VAV3: variants seen among roughly 807,000 people sequenced by gnomAD.
VAV3 encodes the protein guanine nucleotide exchange factor VAV3.
A neutral mutation model predicts 131.2 loss-of-function variants in VAV3; 94 were observed. The ratio of observed to expected loss-of-function variants is 0.72; its 90% CI spans 0.61 to 0.85. VAV3 has a LOEUF of 0.85. VAV3 is among the 40% of genes least tolerant of loss of function. The pLI is 0.00. For synonymous variants in VAV3, 349 were observed against 342.0 expected, an observed-to-expected ratio of 1.02 and a Z score of -0.22; for missense variants, 939 against 1,002.7, an observed-to-expected ratio of 0.94 and a Z score of 0.86.
chr1:107,878,559 A>G (rs1267209901), intron 1 of VAV3, among the ~76,000 whole-genome samples: 1 of 152,188 alleles, frequency 6.6e-6, no homozygotes, highest in East Asian at 1.9e-4. Flanking sequence ...TAAACCTATT[A>G]TTCTTTCACT....
rs1673202249 is a variant in VAV3 at position 107,927,287 on chromosome 1, T to C, written c.204+37379A>G. On this transcript the variant is annotated intron_variant, in intron 1 of 26. Coordinates refer to ENST00000370056, the MANE Select transcript of VAV3 (RefSeq NM_006113.5). ...GTGCCCTTGGTCCCTGAATAACCAT[T>C]ATCAATACCCAGGTAGTACACCATG... Among the ~76,000 whole-genome samples, 5 of 152,218 alleles carry C rather than the reference T, an allele frequency of 3.3e-5. No homozygotes were observed. In the South Asian group the frequency reaches 8.3e-4, roughly 25 times the overall value.
chr1:107,880,300 G>T (rs1378558953), intron 1 of VAV3, among the ~76,000 whole-genome samples: 4 of 152,196 alleles, frequency 2.6e-5, no homozygotes, highest in Admixed American at 6.5e-5. Flanking sequence ...TTCCAGACTT[G>T]CAGTGAGAGG....
intron 15 of VAV3, among the ~76,000 whole-genome samples, chr1:107,742,674 C>G (rs1352863994): frequency 6.6e-6 from 1 of 152,136 alleles, no homozygotes; most frequent in Non-Finnish European, 1.5e-5. Flanking sequence ...TTCCCCTTTC[C>G]CACATCTCTA....
intron 19 of VAV3, among the ~76,000 whole-genome samples, chr1:107,650,052 A>T (rs549269438): frequency 6.6e-6 from 1 of 152,202 alleles, no homozygotes; most frequent in African/African-American, 2.4e-5. Context: ...CCTGAGGAGA[A>T]GACAGTAGGC....
chr1:107,917,218 A>G (rs1232171042), intron 1 of VAV3, among the ~76,000 whole-genome samples: 1 of 152,124 alleles, frequency 6.6e-6, no homozygotes, highest in Non-Finnish European at 1.5e-5. Context: ...CTCAAGCATC[A>G]GCAGCGGCCT....
At chr1:107,679,159 C>T (rs1440788538) in intron 19 of VAV3, among the ~76,000 whole-genome samples, 2 of 152,120 alleles carry the variant, frequency 1.3e-5, no homozygotes, top group African/African-American at 4.8e-5. Context: ...TATGTCAATC[C>T]TATCCACCTG....
At chr1:107,755,834 T>C (rs1056542299) in intron 11 of VAV3, among the ~76,000 whole-genome samples, 13 of 152,140 alleles carry the variant, frequency 8.5e-5, no homozygotes, top group African/African-American at 3.1e-4. Context: ...AGAATAGAAA[T>C]TCCAAGCACG....
intron 12 of VAV3, among the ~76,000 whole-genome samples, chr1:107,752,072 T>C (rs1663763003): frequency 6.6e-6 from 1 of 152,190 alleles, no homozygotes; most frequent in South Asian, 2.1e-4. Flanking sequence ...GTCTCATACT[T>C]ACTGACTTGT....
Position 107,654,160 on chromosome 1 carries a change from ATAAGT to A in VAV3, c.1778-11410_1778-11406del, listed in dbSNP as rs571389782. On this transcript the variant is annotated intron_variant, in intron 19 of 26. Transcript: ENST00000370056. ...TGGAATCTTTGATTGACCAAGAAAA[ATAAGT>A]TTAGATTAGATTACAGAAAGGTCAC... Among the ~76,000 whole-genome samples, 41 of 152,212 alleles carry A rather than the reference ATAAGT, an allele frequency of 2.7e-4. No homozygotes were observed. The East Asian group carries it at 7.5e-3, about 28-fold the overall frequency.
At chr1:107,762,171 A>G (rs1664479042) in intron 9 of VAV3, among the ~76,000 whole-genome samples, 1 of 151,842 alleles carries the variant, frequency 6.6e-6, no homozygotes, top group Admixed American at 6.6e-5. Context: ...GCAACCTCAT[A>G]AGTCCAAAAT....
chr1:107,635,105 C>A (rs566281770), intron 20 of VAV3, among the ~76,000 whole-genome samples: 2 of 152,098 alleles, frequency 1.3e-5, no homozygotes, highest in African/African-American at 2.4e-5. Context: ...TTTGACCCAG[C>A]AATCCCATTA....
At chr1:107,884,047 T>G (rs1477691566) in intron 1 of VAV3, among the ~76,000 whole-genome samples, 1 of 151,954 alleles carries the variant, frequency 6.6e-6, no homozygotes, top group Admixed American at 6.6e-5. Context: ...AAGTGGTGCA[T>G]GTCGCTGCCT....
intron 19 of VAV3, among the ~76,000 whole-genome samples, chr1:107,646,926 T>G (rs2101544454): frequency 6.6e-6 from 1 of 152,014 alleles, no homozygotes; most frequent in East Asian, 1.9e-4. Flanking sequence ...AAATCTGAAT[T>G]TAGTACCGCT....
chr1:107,576,523 T>C (rs1649663341), intron 25 of VAV3: 1 of 1,434,828 alleles, frequency 7.0e-7, no homozygotes. Flanking sequence ...ATTTAGGTAT[T>C]GGCAAAAATA....
At chr1:107,745,858 C>G (rs1663311360) in intron 15 of VAV3, among the ~76,000 whole-genome samples, 1 of 152,176 alleles carries the variant, frequency 6.6e-6, no homozygotes, top group Non-Finnish European at 1.5e-5. Context: ...ACCAATGCCT[C>G]CCTTTCCTTT....
chr1:107,624,335 G>A (rs1234973008), intron 20 of VAV3, among the ~76,000 whole-genome samples: 1 of 151,626 alleles, frequency 6.6e-6, no homozygotes, highest in African/African-American at 2.4e-5. Flanking sequence ...CTCACTGGGT[G>A]GGATGTACAT....
intron 24 of VAV3, among the ~76,000 whole-genome samples, chr1:107,597,092 A>C (rs1250027456): frequency 6.6e-6 from 1 of 152,146 alleles, no homozygotes; most frequent in Non-Finnish European, 1.5e-5. Flanking sequence ...TCACAATAAA[A>C]ATGTATCTTA....
chr1:107,856,556 T>C (rs552092365), intron 2 of VAV3, among the ~76,000 whole-genome samples: 4 of 152,320 alleles, frequency 2.6e-5, no homozygotes, highest in African/African-American at 9.6e-5. Flanking sequence ...ACATTACTGT[T>C]ATAATAGTTA....
intron 25 of VAV3, among the ~76,000 whole-genome samples, chr1:107,579,736 C>G (rs1649902265): frequency 6.6e-6 from 1 of 152,168 alleles, no homozygotes. Context: ...ATTATGAAAT[C>G]CAAACCCTTG....
Sources: allele counts gnomAD v4.1 joint callset (sites outside exome capture counted in the v4.1 genomes callset), GRCh38; gene constraint gnomAD v4.1.1; transcripts MANE v1.5; gene names NCBI Gene and HGNC (gene_info 2026-07-23, HGNC 2026-07-21).